The following EIF4G3 variants were observed in gnomAD, a reference collection of about 807,000 sequenced individuals.
The protein encoded by EIF4G3 is eIF-4-gamma 3.
EIF4G3 carries 34 observed loss-of-function variants against 186.4 expected under a neutral mutation model. The ratio of observed to expected loss-of-function variants is 0.18; its 90% CI spans 0.14 to 0.24. The LOEUF is 0.24. EIF4G3 is among the 10% of genes least tolerant of loss of function. The pLI is 1.00. For synonymous variants in EIF4G3, 673 were observed against 679.5 expected (o/e 0.99, Z 0.15); for missense variants, 1,536 against 1,948.5 (o/e 0.79, Z 3.99).
At chr1:20,898,470 A>G (rs966679236) in intron 16 of EIF4G3, among the ~76,000 whole-genome samples, 2 of 152,216 alleles carry the variant, frequency 1.3e-5, no homozygotes, top group African/African-American at 4.8e-5. Flanking sequence ...AAACACATAT[A>G]TAACTACAAA....
chr1:20,919,981 A>G (rs544932513), intron 14 of EIF4G3, among the ~76,000 whole-genome samples: 22 of 151,664 alleles, frequency 1.5e-4, no homozygotes, highest in Non-Finnish European at 3.1e-4. Flanking sequence ...ATCTGGGCTC[A>G]CTACAACCTC....
chr1:20,869,926 A>G (rs1185329191), intron 20 of EIF4G3, among the ~76,000 whole-genome samples: 1 of 152,166 alleles, frequency 6.6e-6, no homozygotes, highest in Non-Finnish European at 1.5e-5. Flanking sequence ...TAACCTGCCA[A>G]AACTGTACAT....
intron 2 of EIF4G3, among the ~76,000 whole-genome samples, chr1:21,118,258 A>G (rs1202559151): frequency 6.6e-6 from 1 of 152,244 alleles, no homozygotes; most frequent in Non-Finnish European, 1.5e-5. Flanking sequence ...TCCGTATTTC[A>G]GTATACAACA....
intron 20 of EIF4G3, among the ~76,000 whole-genome samples, chr1:20,871,129 A>G (rs933133835): frequency 6.6e-6 from 1 of 152,212 alleles, no homozygotes; most frequent in African/African-American, 2.4e-5. Context: ...ATACTCTAGG[A>G]TTCACCTAAT....
chr1:20,989,209 A>C (rs1327831286), intron 7 of EIF4G3, among the ~76,000 whole-genome samples: 1 of 151,222 alleles, frequency 6.6e-6, no homozygotes, highest in Non-Finnish European at 1.5e-5. Context: ...TCAAGACTTC[A>C]ATGGAAGGAG....
intron 15 of EIF4G3, among the ~76,000 whole-genome samples, chr1:20,902,810 T>C (rs977637507): frequency 1.3e-5 from 2 of 152,158 alleles, no homozygotes; most frequent in African/African-American, 4.8e-5. Flanking sequence ...CCAGCTACTT[T>C]TTGTATTTTT....
At chr1:21,031,766 A>T (rs1228955543) in intron 4 of EIF4G3, among the ~76,000 whole-genome samples, 2 of 152,232 alleles carry the variant, frequency 1.3e-5, no homozygotes, top group Non-Finnish European at 2.9e-5. Context: ...GAATTTCTTG[A>T]TTCTAGGACT....
rs1557813631 is a variant in EIF4G3 at position 20,828,314 on chromosome 1, G to A, written c.4188-616C>T. Among the ~76,000 whole-genome samples the A allele has an allele frequency of 2.0e-5, 3 of 152,102 alleles. No individual in the cohort carries two copies. In the South Asian group the frequency reaches 6.2e-4, roughly 31 times the overall value. On this transcript the variant is annotated intron_variant, in intron 31 of 36. Transcript: ENST00000602326. ...CAAAGTGCTGGGATTACAGGTGTAA[G>A]CTATTGCGTCTGGCCATATATAAAG... is the stretch of plus-strand genomic sequence containing the variant.
At chr1:20,883,311 G>A (rs916696987) in intron 19 of EIF4G3, among the ~76,000 whole-genome samples, 1 of 152,062 alleles carries the variant, frequency 6.6e-6, no homozygotes, top group African/African-American at 2.4e-5. Context: ...TGGATTAGTC[G>A]AGGAATGCCT....
At chr1:21,022,434 C>T (rs2090958183) in intron 4 of EIF4G3, among the ~76,000 whole-genome samples, 1 of 152,176 alleles carries the variant, frequency 6.6e-6, no homozygotes, top group African/African-American at 2.4e-5. Context: ...AGACATCATG[C>T]ACACTGAATC....
At chr1:21,104,059 A>G (rs2096572734) in intron 2 of EIF4G3, among the ~76,000 whole-genome samples, 1 of 152,212 alleles carries the variant, frequency 6.6e-6, no homozygotes, top group Non-Finnish European at 1.5e-5. Flanking sequence ...TAGCAAAAAC[A>G]GCCATAAATT....
intron 4 of EIF4G3, among the ~76,000 whole-genome samples, chr1:21,016,777 G>A (rs765654297): frequency 6.6e-6 from 1 of 152,102 alleles, no homozygotes; most frequent in Non-Finnish European, 1.5e-5. Flanking sequence ...AGACCAGCCT[G>A]ACCAATACGG....
At chr1:20,928,403 T>C (rs1332578361) in intron 14 of EIF4G3, among the ~76,000 whole-genome samples, 2 of 152,144 alleles carry the variant, frequency 1.3e-5, no homozygotes, top group Non-Finnish European at 2.9e-5. Flanking sequence ...CACCATATCA[T>C]ACTCATTTTT....
chr1:20,895,529 G>C, intron 16 of EIF4G3, 28 bp from the exon 17 acceptor site: 2 of 1,610,422 alleles, frequency 1.2e-6, no homozygotes, highest in Non-Finnish European at 1.7e-6. Flanking sequence ...GGCAGACACT[G>C]TTTGTAGGGC....
At chr1:20,894,257 A>G (rs2087132543) in intron 17 of EIF4G3, among the ~76,000 whole-genome samples, 1 of 152,222 alleles carries the variant, frequency 6.6e-6, no homozygotes, top group Non-Finnish European at 1.5e-5. Flanking sequence ...ATTAGTGGCC[A>G]AAGTCATAAA....
At chr1:21,039,799 T>C (rs1394504381) in intron 4 of EIF4G3, among the ~76,000 whole-genome samples, 1 of 152,192 alleles carries the variant, frequency 6.6e-6, no homozygotes, top group Admixed American at 6.5e-5. Context: ...AAAGAACTCC[T>C]ACAACTCAAC....
chr1:21,022,565 CTAA>C lies in EIF4G3; in HGVS notation c.-66-19760_-66-19758del, dbSNP rs1571170306. On this transcript the variant is annotated intron_variant, in intron 4 of 36. Coordinates refer to ENST00000602326, the MANE Select transcript of EIF4G3 (RefSeq NM_001391906.1). ...CATCAGGCTTCTTTTCCCATTCCCA[CTAA>C]TAAGTTATACTTTCCCTCAATAACA... is the stretch of plus-strand genomic sequence containing the variant. Among the ~76,000 whole-genome samples, 8 of 152,350 alleles carry C rather than the reference CTAA, an allele frequency of 5.3e-5. No individual in the cohort carries two copies. The South Asian group carries it at 1.4e-3, about 28-fold the overall frequency.
chr1:20,930,170 G>C (rs1345311399), intron 14 of EIF4G3, among the ~76,000 whole-genome samples: 1 of 152,210 alleles, frequency 6.6e-6, no homozygotes, highest in Non-Finnish European at 1.5e-5. Context: ...TGTTGGTGGA[G>C]GTTCTTACCT....
chr1:20,854,493 A>G (rs1336101324), intron 26 of EIF4G3, among the ~76,000 whole-genome samples: 1 of 151,334 alleles, frequency 6.6e-6, no homozygotes, highest in Non-Finnish European at 1.5e-5. Flanking sequence ...CACGAGTGCA[A>G]GACTAGCCTA....
Sources: allele counts gnomAD v4.1 joint callset (sites outside exome capture counted in the v4.1 genomes callset), GRCh38; gene constraint gnomAD v4.1.1; transcripts MANE v1.5; gene names NCBI Gene and HGNC (gene_info 2026-07-23, HGNC 2026-07-21).